Variants in PCDHA5 observed in about 807,000 individuals in gnomAD.
PCDHA5 encodes the protein protocadherin alpha-5.
In PCDHA5, 43 loss-of-function variants were observed where a neutral mutation model predicts 61.6. The ratio of observed to expected loss-of-function variants is 0.70; its 90% CI spans 0.55 to 0.90. The LOEUF (loss-of-function observed/expected upper bound fraction) is 0.90, where lower values mean the gene tolerates loss of function less well. Among genes scored for constraint, PCDHA5 ranks in the 40% least tolerant of loss-of-function variants. The pLI is 0.00. For synonymous variants in PCDHA5, 627 were observed against 543.9 expected, an observed-to-expected ratio of 1.15 and a Z score of -2.13; for missense variants, 1,298 against 1,222.7, an observed-to-expected ratio of 1.06 and a Z score of -0.92.
chr5:140,836,884 T>C (rs1387111400), intron 1 of PCDHA5: 2 of 642,656 alleles, frequency 3.1e-6, no homozygotes, highest in African/African-American at 3.7e-5. Context: ...TTGCACTAAT[T>C]ATTTGGAAGT....
chr5:141,006,843 T>A (rs2098291274), intron 3 of PCDHA5, among the ~76,000 whole-genome samples: 1 of 152,154 alleles, frequency 6.6e-6, no homozygotes, highest in Non-Finnish European at 1.5e-5. Context: ...TTACTGAAAC[T>A]GGAAAGATTT....
At chr5:140,845,035 G>A (rs1427311138) in intron 1 of PCDHA5, among the ~76,000 whole-genome samples, 3 of 149,148 alleles carry the variant, frequency 2.0e-5, no homozygotes, top group Middle Eastern at 3.4e-3. Context: ...GCATATTTTA[G>A]CCCCCTTGTC....
At chr5:140,913,503 T>G (rs1334607884) in intron 1 of PCDHA5, among the ~76,000 whole-genome samples, 6 of 152,182 alleles carry the variant, frequency 3.9e-5, no homozygotes, top group African/African-American at 1.4e-4. Context: ...GTTTAAAACT[T>G]TGTCAATTTT....
At chr5:140,926,340 C>G (rs2083154977) in intron 1 of PCDHA5, 1 of 152,400 alleles carries the variant, frequency 6.6e-6, no homozygotes, top group Non-Finnish European at 1.5e-5. Flanking sequence ...GCGCCGGGAC[C>G]CGACGCGCGG....
intron 1 of PCDHA5, among the ~76,000 whole-genome samples, chr5:140,917,167 ATGG>A (rs1237150759): frequency 6.6e-6 from 1 of 152,160 alleles, no homozygotes; most frequent in African/African-American, 2.4e-5. Flanking sequence ...GGGAGGGGTG[ATGG>A]TGGTGATCCC....
intron 1 of PCDHA5, among the ~76,000 whole-genome samples, chr5:140,831,517 C>T (rs1771584524): frequency 7.7e-6 from 1 of 129,936 alleles, no homozygotes; most frequent in East Asian, 2.2e-4. Context: ...CCATGCCCCC[C>T]ACCTTTTTTT....
intron 1 of PCDHA5, chr5:140,842,226 T>G (rs2150332205): frequency 6.2e-7 from 1 of 1,612,936 alleles, no homozygotes; most frequent in Non-Finnish European, 8.5e-7. Context: ...ACGGGAGAAA[T>G]AGTGATTCGG....
intron 1 of PCDHA5, chr5:140,851,252 G>T: frequency 9.2e-7 from 1 of 1,089,164 alleles, no homozygotes; most frequent in Non-Finnish European, 1.2e-6. Flanking sequence ...ATGATGCATA[G>T]TATTTTAGTC....
At chr5:140,827,850 A>C in intron 1 of PCDHA5, 4 of 489,030 alleles carry the variant, frequency 8.2e-6, no homozygotes, top group Non-Finnish European at 1.4e-5. Context: ...ATACTGTTTT[A>C]AAAATATATG....
rs529585383 is a variant in PCDHA5 at position 140,982,571 on chromosome 5, G to T, written c.2500+8G>T. 243 of 1,613,888 alleles carry T rather than the reference G, an allele frequency of 1.5e-4. 4 individuals carry two copies. The South Asian group carries it at 2.5e-3, about 17-fold the overall frequency. ...TATCCAGTGCAACACCAGGTAAAGAGCTGGGGTCTCTCCATTCTTTCTTGG... is the reference window on the plus strand; with the variant it reads ...TATCCAGTGCAACACCAGGTAAAGATCTGGGGTCTCTCCATTCTTTCTTGG... On this transcript the variant is annotated splice_region_variant and intron_variant, in intron 3 of 3. Transcript: ENST00000529859.
intron 1 of PCDHA5, among the ~76,000 whole-genome samples, chr5:140,957,864 A>G (rs1554223166): frequency 6.6e-6 from 1 of 151,762 alleles, no homozygotes; most frequent in Admixed American, 6.6e-5. Flanking sequence ...TTTTTTTCCT[A>G]TTTTGTGCTG....
At chr5:140,869,350 A>G (rs1197202286) in intron 1 of PCDHA5, 3 of 1,614,064 alleles carry the variant, frequency 1.9e-6, no homozygotes, top group Non-Finnish European at 1.7e-6. Flanking sequence ...GCAGAATGGC[A>G]TTTTGTTTGT....
chr5:141,009,880 C>T lies in PCDHA5; in HGVS notation c.2754C>T (p.Asn918=). ...AAAAGAAGAAAAAGAAGAAGGGTAACAAGACCCAGGAGAAAAAAGAGAAAG... is the reference window on the plus strand; with the variant it reads ...AAAAGAAGAAAAAGAAGAAGGGTAATAAGACCCAGGAGAAAAAAGAGAAAG... The part of the protein sequence containing the change: ...TKKKKKKKKG[N]KTQEKKEKGN... Residue 918 remains asparagine, a synonymous_variant, in exon 4 of 4, where the codon AAC becomes AAT. Transcript: ENST00000529859. 1 of 1,613,788 alleles carries T rather than the reference C, an allele frequency of 6.2e-7. No individual in the cohort carries two copies. The highest frequency in any genetic ancestry group is 8.5e-7 in the Non-Finnish European group (1 of 1,179,974).
intron 1 of PCDHA5, chr5:140,827,904 G>T: frequency 2.5e-6 from 2 of 786,506 alleles, no homozygotes; most frequent in East Asian, 2.5e-5. Context: ...TTTTGGAGCC[G>T]CATGATGTCG....
intron 1 of PCDHA5, chr5:140,882,107 A>C: frequency 7.3e-7 from 1 of 1,367,220 alleles, no homozygotes; most frequent in Non-Finnish European, 9.8e-7. Flanking sequence ...TTCCGCGAAG[A>C]AAGCCGCCGT....
intron 3 of PCDHA5, among the ~76,000 whole-genome samples, chr5:140,986,211 C>T (rs1257937611): frequency 1.3e-5 from 2 of 152,126 alleles, no homozygotes; most frequent in African/African-American, 2.4e-5. Flanking sequence ...GATTACTGGC[C>T]CCTTTCTCTA....
At chr5:140,847,654 T>C (rs1037427370) in intron 1 of PCDHA5, 3 of 149,736 alleles carry the variant, frequency 2.0e-5, no homozygotes, top group South Asian at 2.1e-4. Flanking sequence ...AGATTATTCA[T>C]AGATTATAAA....
chr5:140,991,149 C>T (rs2097435018), intron 3 of PCDHA5, among the ~76,000 whole-genome samples: 1 of 152,092 alleles, frequency 6.6e-6, no homozygotes, highest in South Asian at 2.1e-4. Flanking sequence ...GTTTTTTGCT[C>T]ACCATTGTAT....
chr5:140,824,309 A>G (rs1768082430), intron 1 of PCDHA5, 182 bp downstream of exon 1: 3 of 776,146 alleles, frequency 3.9e-6, no homozygotes, highest in African/African-American at 3.5e-5. Flanking sequence ...GGGGTAATAG[A>G]TTCATCAGCT....
Sources: gnomAD v4.1 joint callset for allele counts (sites outside exome capture counted in the v4.1 genomes callset) on GRCh38, gnomAD v4.1.1 for gene constraint, MANE v1.5 for transcripts, NCBI Gene and HGNC (gene_info 2026-07-23, HGNC 2026-07-21) for gene names.